The following TM2D3 variants were observed in gnomAD, a reference collection of about 807,000 sequenced individuals.
TM2D3 encodes TM2 domain containing 3.
TM2D3 carries 33 observed loss-of-function variants against 27.3 expected under a neutral mutation model. The observed-to-expected ratio is 1.21, with a 90% CI of 0.92 to 1.61. The LOEUF (loss-of-function observed/expected upper bound fraction) is 1.61. Ranked by LOEUF, TM2D3 falls within the 40% of genes most tolerant of loss-of-function variation. TM2D3 has a pLI of 0.00. For missense variants in TM2D3, 364 were observed against 320.8 expected (o/e 1.13, Z -1.03); for synonymous variants, 138 against 122.2 (o/e 1.13, Z -0.85).
Position 101,641,923 on chromosome 15 carries a change from CTAGACA to C in TM2D3, c.*550_*555del, listed in dbSNP as rs1278700989. 2 of 983,256 alleles carry C rather than the reference CTAGACA, an allele frequency of 2.0e-6. No individual in the cohort carries two copies. Among genetic ancestry groups the C allele is most frequent in the African/African-American group, 3.5e-5 (2 of 57,210 alleles). The allele number at this position is 983,256 out of a possible 1,614,324, so 60.9% of individuals were successfully genotyped here. A position where few individuals can be genotyped will look rare whatever the true frequency, so the allele number is the denominator to read the frequency against. On this transcript the variant is annotated 3_prime_UTR_variant, in exon 6 of 6. Coordinates refer to ENST00000333202, the MANE Select transcript of TM2D3 (RefSeq NM_078474.3). ...ACTACTAAGAAAATTTAAACCATAA[CTAGACA>C]TAAACATTCTGCAGTTTAATTCAAA...
chr15:101,643,606 A>T (rs1896726480), intron 5 of TM2D3, among the ~76,000 whole-genome samples: 1 of 130,432 alleles, frequency 7.7e-6, no homozygotes, highest in Non-Finnish European at 1.6e-5. Flanking sequence ...CGTTAAAAAA[A>T]AAAAAAAAAA....
downstream of TM2D3, among the ~76,000 whole-genome samples, chr15:101,640,664 C>T (rs919117589): frequency 6.6e-6 from 1 of 152,126 alleles, no homozygotes; most frequent in Non-Finnish European, 1.5e-5. Context: ...ATGAGTTCAT[C>T]GTTCATAAAT....
At chr15:101,651,642 A>G in intron 2 of TM2D3, 54 bp downstream of exon 2, 1 of 1,513,074 alleles carries the variant, frequency 6.6e-7, no homozygotes, top group Non-Finnish European at 9.0e-7. Flanking sequence ...AAAAACAAAG[A>G]GAAACTACTA....
chr15:101,633,281 C>T (rs1896487818), exon 5 of TM2D3: 1 of 175,044 alleles, frequency 5.7e-6, no homozygotes, highest in Non-Finnish European at 1.2e-5. Flanking sequence ...TGCTTTATAA[C>T]AAATTACTAG....
At chr15:101,642,740 G>A (rs1288056826) in intron 5 of TM2D3, 96 bp from the exon 6 acceptor site, 1 of 1,069,608 alleles carries the variant, frequency 9.3e-7, no homozygotes, top group South Asian at 1.9e-5. Context: ...ATTTGAGAAA[G>A]GGCTTCCCCT....
At chr15:101,635,107 C>G (rs1896525574) in intron 4 of TM2D3, 1 of 152,218 alleles carries the variant, frequency 6.6e-6, no homozygotes, top group African/African-American at 2.4e-5. Context: ...TTGCAGTGAA[C>G]TGAGATCGTG....
downstream of TM2D3, chr15:101,637,037 A>C (rs1896566875): frequency 3.1e-5 from 7 of 229,270 alleles, no homozygotes; most frequent in South Asian, 2.9e-4. Flanking sequence ...CTACAGCTTG[A>C]ATTTATACAT....
At chr15:101,645,466 G>T (rs964796299) in intron 4 of TM2D3, 1 of 325,184 alleles carries the variant, frequency 3.1e-6, no homozygotes, top group East Asian at 7.4e-5. Context: ...AATAGGAAAA[G>T]AAGAGAAAGT....
At chr15:101,639,170 C>G (rs490687), downstream of TM2D3, among the ~76,000 whole-genome samples, 151,780 of 152,354 alleles carry the variant, frequency 1, 75,607 homozygotes, top group East Asian at 1. Context: ...TGCATAGCAT[C>G]ACTACAGTTA....
At chr15:101,633,549 C>G in exon 5 of TM2D3, 1 of 728,024 alleles carries the variant, frequency 1.4e-6, no homozygotes. Flanking sequence ...CAGTTCCTAT[C>G]AGACCATCTT....
At chr15:101,641,645 G>GT (rs971894131), downstream of TM2D3, among the ~76,000 whole-genome samples, 4 of 151,978 alleles carry the variant, frequency 2.6e-5, no homozygotes, top group African/African-American at 7.3e-5. Context: ...GAATAACTGA[G>GT]TTTTTTTTCC....
intron 4 of TM2D3, chr15:101,634,681 CGTAT>C (rs1418215415): frequency 2.0e-5 from 3 of 152,050 alleles, no homozygotes; most frequent in African/African-American, 7.2e-5. Context: ...CATGATAGAC[CGTAT>C]GTGAGCCATA....
At chr15:101,641,763 A>T, downstream of TM2D3, 1 of 466,892 alleles carries the variant, frequency 2.1e-6, no homozygotes, top group Non-Finnish European at 2.8e-6. Context: ...ATGCCCTGAA[A>T]GATAAAAATG....
Position 101,651,691 on chromosome 15 carries a change from A to G in TM2D3, c.169+5T>C. On this transcript the variant is annotated splice_donor_5th_base_variant and intron_variant, in intron 2 of 5. Coordinates refer to ENST00000333202, the MANE Select transcript of TM2D3 (RefSeq NM_078474.3). The stretch of plus-strand genomic sequence containing the variant: ...GTATTTACTAGAATAGAAAACGTCT[A>G]GTACCTGCTGCCCTGGGAACTACTG... The G allele has an allele frequency of 6.2e-7, 1 of 1,614,046 alleles. No individual in the cohort carries two copies. Among genetic ancestry groups the G allele is most frequent in the Non-Finnish European group, 8.5e-7 (1 of 1,179,858 alleles).
chr15:101,652,334 C>T lies in TM2D3; in HGVS notation c.28G>A (p.Gly10Ser), dbSNP rs148089973. ...AGCACGCGACACAAGGCGCGGAGGC[C>T]CCTCAGCGGGAGCACCCCTCCCGCC... MAGGVLPLRGLRALCRVLLF... is the reference protein window; with the variant it reads MAGGVLPLRSLRALCRVLLF... The change falls in exon 1 of 6, where the codon GGC (glycine) becomes AGC (serine). Residue 10 changes from glycine (G) to serine (S), a missense_variant. Gly to Ser is a moderately conservative substitution (Grantham distance 56). Transcript: ENST00000333202. 2 of 1,601,848 alleles carry T rather than the reference C, an allele frequency of 1.2e-6. No individual in the cohort carries two copies. The highest frequency in any genetic ancestry group is 2.3e-5 in the East Asian group (1 of 43,648).
intron 4 of TM2D3, chr15:101,645,458 T>C (rs1018725308): frequency 2.1e-5 from 7 of 334,332 alleles, no homozygotes; most frequent in African/African-American, 1.3e-4. Context: ...AATCACCCAA[T>C]AGGAAAAGAA....
At chr15:101,639,380 GTT>G (rs34006564), downstream of TM2D3, among the ~76,000 whole-genome samples, 1,664 of 148,882 alleles carry the variant, frequency 0.011, 37 homozygotes, top group East Asian at 0.1. Context: ...TTTCCTGGGT[GTT>G]TTTTTTTTTC....
rs145154646 is a variant in TM2D3 at position 101,652,274 on chromosome 15, C to T, written c.88G>A (p.Gly30Ser). 1.2e-6 allele frequency: 2 copies of T among 1,604,768 alleles called. No homozygotes were observed. The highest frequency in any genetic ancestry group is 1.7e-5 in the Admixed American group (1 of 59,678). ...CTGAACCCAGCCTTTGACTCACCAC[C>T]GCCCGACAGAATGCAGAACTGCGAG... Reference protein sequence around the residue: ...FLSQFCILSGGEQSQALAQSI... With the variant: ...FLSQFCILSGSEQSQALAQSI... The change falls in exon 1 of 6, where the codon GGT (glycine) becomes AGT (serine). Residue 30 changes from glycine to serine, a missense_variant. Gly to Ser is a moderately conservative substitution (Grantham distance 56). Transcript: ENST00000333202.
chr15:101,644,355 C>T (rs1896749806), intron 5 of TM2D3, among the ~76,000 whole-genome samples: 1 of 152,146 alleles, frequency 6.6e-6, no homozygotes, highest in Non-Finnish European at 1.5e-5. Flanking sequence ...TTGCTACTGA[C>T]AAGTAGTAGG....
Sources: allele counts gnomAD v4.1 joint callset (sites outside exome capture counted in the v4.1 genomes callset), GRCh38; gene constraint gnomAD v4.1.1; transcripts MANE v1.5; gene names NCBI Gene and HGNC (gene_info 2026-07-23, HGNC 2026-07-21).